SNX9: variants seen among roughly 807,000 people sequenced by gnomAD.
The protein encoded by SNX9 is sorting nexin-9.
SNX9 carries 44 observed loss-of-function variants against 89.4 expected under a neutral mutation model. The observed-to-expected ratio is 0.49, with a 90% CI of 0.39 to 0.63. The LOEUF is 0.63. Among genes scored for constraint, SNX9 ranks in the 30% least tolerant of loss-of-function variants. The pLI is 0.00. For synonymous variants in SNX9, 236 were observed against 247.8 expected, an observed-to-expected ratio of 0.95 and a Z score of 0.45; for missense variants, 578 against 736.1, an observed-to-expected ratio of 0.79 and a Z score of 2.49.
At chr6:157,900,617 G>A (rs1783077408) in intron 5 of SNX9, among the ~76,000 whole-genome samples, 2 of 152,284 alleles carry the variant, frequency 1.3e-5, no homozygotes, top group South Asian at 2.1e-4. Context: ...AGGTTAGTGA[G>A]GGATTTAGGG....
At chr6:157,942,330 A>G (rs1014238755) in intron 17 of SNX9, among the ~76,000 whole-genome samples, 3 of 152,228 alleles carry the variant, frequency 2.0e-5, no homozygotes, top group Non-Finnish European at 2.9e-5. Context: ...CGCAGAGACC[A>G]CTGCAGCGCC....
chr6:157,893,271 C>T (rs1782901836), intron 4 of SNX9, among the ~76,000 whole-genome samples: 1 of 152,148 alleles, frequency 6.6e-6, no homozygotes, highest in Non-Finnish European at 1.5e-5. Flanking sequence ...CGAATGTCAC[C>T]TTGTAAAGCT....
At chr6:157,932,089 C>A in intron 12 of SNX9, 106 bp from the exon 13 acceptor site, 1 of 896,604 alleles carries the variant, frequency 1.1e-6, no homozygotes, top group Non-Finnish European at 1.8e-6. Flanking sequence ...AATATATAGA[C>A]TATTTTGAAT....
At chr6:157,882,430 G>T (rs1583215199) in intron 4 of SNX9, among the ~76,000 whole-genome samples, 1 of 152,202 alleles carries the variant, frequency 6.6e-6, no homozygotes, top group South Asian at 2.1e-4. Flanking sequence ...CCCTTGGATC[G>T]AGGAGTAATT....
intron 1 of SNX9, among the ~76,000 whole-genome samples, chr6:157,834,346 A>AT (rs545841463): frequency 0.054 from 7,192 of 133,170 alleles, 216 homozygotes; most frequent in East Asian, 0.11. Flanking sequence ...ATTTAAAAGA[A>AT]TTTTTTTTTT....
At chr6:157,887,652 C>G (rs1336504550) in intron 4 of SNX9, among the ~76,000 whole-genome samples, 2 of 152,312 alleles carry the variant, frequency 1.3e-5, no homozygotes, top group East Asian at 3.9e-4. Flanking sequence ...GTGATTTGAA[C>G]ACGGTTTCCT....
At chr6:157,859,950 A>C (rs572386466) in intron 1 of SNX9, among the ~76,000 whole-genome samples, 4 of 152,230 alleles carry the variant, frequency 2.6e-5, no homozygotes, top group African/African-American at 9.6e-5. Flanking sequence ...ATTTTGGCCC[A>C]TGAACAAAAT....
chr6:157,874,517 T>C (rs963947695), intron 3 of SNX9: 1 of 152,216 alleles, frequency 6.6e-6, no homozygotes, highest in African/African-American at 2.4e-5. Context: ...TAGAAATAGA[T>C]CCTGCAGGCA....
chr6:157,937,318 A>C, intron 14 of SNX9, 116 bp from the exon 15 acceptor site: 1 of 647,780 alleles, frequency 1.5e-6, no homozygotes, highest in East Asian at 2.7e-5. Flanking sequence ...AATGCTTAAC[A>C]CTCAATAATT....
At chr6:157,899,630 C>T (rs554075569) in intron 5 of SNX9, among the ~76,000 whole-genome samples, 2 of 152,108 alleles carry the variant, frequency 1.3e-5, no homozygotes, top group African/African-American at 2.4e-5. Context: ...AAAAATTAGC[C>T]GGGTGTGGTG....
intron 11 of SNX9, 85 bp downstream of exon 11, chr6:157,927,299 C>T (rs746315278): frequency 2.0e-4 from 175 of 888,200 alleles, no homozygotes; most frequent in Middle Eastern, 5.8e-4. Context: ...TAGCCGCAGC[C>T]GAAACTCAAA....
intron 4 of SNX9, among the ~76,000 whole-genome samples, chr6:157,888,126 C>T (rs780051082): frequency 3.2e-4 from 49 of 152,336 alleles, no homozygotes; most frequent in Non-Finnish European, 6.5e-4. Context: ...CACTGTGGCT[C>T]TGTGGTTAGC....
chr6:157,877,877 C>T (rs1782550036), intron 4 of SNX9, among the ~76,000 whole-genome samples: 1 of 152,122 alleles, frequency 6.6e-6, no homozygotes, highest in African/African-American at 2.4e-5. Context: ...CAAGTTGAAG[C>T]CCCACATTCA....
intron 1 of SNX9, among the ~76,000 whole-genome samples, chr6:157,834,580 C>T (rs1053093248): frequency 1.3e-5 from 2 of 151,880 alleles, no homozygotes; most frequent in African/African-American, 4.8e-5. Flanking sequence ...GTCTCAAACT[C>T]CTAGGCTCAA....
chr6:157,927,718 C>CTTTTTTTTTT (rs761592456), intron 11 of SNX9, among the ~76,000 whole-genome samples: 1 of 98,762 alleles, frequency 1.0e-5, no homozygotes, highest in Non-Finnish European at 2.0e-5. Context: ...TAATTTTAAG[C>CTTTTTTTTTT]TTTTTTTTTT....
intron 5 of SNX9, among the ~76,000 whole-genome samples, chr6:157,900,108 T>G (rs1010761951): frequency 1.3e-5 from 2 of 152,226 alleles, no homozygotes; most frequent in Non-Finnish European, 2.9e-5. Context: ...TCCCTGCCCC[T>G]GGTAACCACC....
At chr6:157,871,200 C>A (rs1025712827) in intron 2 of SNX9, among the ~76,000 whole-genome samples, 2 of 152,034 alleles carry the variant, frequency 1.3e-5, no homozygotes, top group Non-Finnish European at 2.9e-5. Flanking sequence ...AGTAACATGG[C>A]AAAACCTCAT....
rs545755217 is a variant in SNX9, at chr6:157,884,081, G to A, written c.300+8905G>A. On this transcript the variant is annotated intron_variant, in intron 4 of 17. Coordinates refer to ENST00000392185, the MANE Select transcript of SNX9 (RefSeq NM_016224.5). Reference sequence around the variant, plus strand: ...TGGAGAAGTTTGTGTTCTTAACACCGACCACAGGCCTAGGAGCTGTCCATC... The same window carrying A: ...TGGAGAAGTTTGTGTTCTTAACACCAACCACAGGCCTAGGAGCTGTCCATC... Among the ~76,000 whole-genome samples, 27 of 152,226 alleles carry A rather than the reference G, an allele frequency of 1.8e-4. 1 individual carries two copies. The South Asian group carries it at 3.7e-3, about 21-fold the overall frequency.
At chr6:157,851,190 G>A in intron 1 of SNX9, among the ~76,000 whole-genome samples, 1 of 151,618 alleles carries the variant, frequency 6.6e-6, no homozygotes, top group East Asian at 1.9e-4. Flanking sequence ...CCTGGGAGGT[G>A]GAGGCTACAG....
Sources: gnomAD v4.1 joint callset for allele counts (sites outside exome capture counted in the v4.1 genomes callset) on GRCh38, gnomAD v4.1.1 for gene constraint, MANE v1.5 for transcripts, NCBI Gene and HGNC (gene_info 2026-07-23, HGNC 2026-07-21) for gene names.